IGSF5: variants seen among roughly 807,000 people sequenced by gnomAD.
IGSF5 encodes the protein immunoglobulin superfamily 5 like.
A neutral mutation model predicts 39.4 loss-of-function variants in IGSF5; 41 were observed. The ratio of observed to expected loss-of-function variants is 1.04; its 90% confidence interval spans 0.81 to 1.35. IGSF5 has a LOEUF of 1.35. IGSF5 is among the 40% of genes most tolerant of loss of function. The probability of loss-of-function intolerance (pLI) is 0.00; values close to 1 mark genes in which losing one functional copy is unlikely to be tolerated. For synonymous variants in IGSF5, 183 were observed against 175.3 expected (o/e 1.04, Z -0.34); for missense variants, 487 against 494.6 (o/e 0.98, Z 0.15).
chr21:39,726,988 T>G, the IGSF5 span, among the ~76,000 whole-genome samples: 10 of 152,166 alleles, frequency 6.6e-5, no homozygotes, highest in African/African-American at 2.4e-4. Context: ...TGAGGGCCAA[T>G]GCTCCCCAGG....
the IGSF5 span, among the ~76,000 whole-genome samples, chr21:39,712,481 T>C: frequency 2.0e-5 from 3 of 152,082 alleles, no homozygotes; most frequent in Non-Finnish European, 4.4e-5. Context: ...GCAGAATCAT[T>C]CCCTTCCAGA....
intron 2 of IGSF5, among the ~76,000 whole-genome samples, chr21:39,747,212 T>C (rs145478926): frequency 1.3e-5 from 2 of 152,314 alleles, no homozygotes; most frequent in African/African-American, 2.4e-5. Context: ...ACTTCTTACA[T>C]GGCAGCAGCA....
At chr21:39,719,356 C>T in the IGSF5 span, among the ~76,000 whole-genome samples, 5 of 152,026 alleles carry the variant, frequency 3.3e-5, 1 homozygote, top group South Asian at 1.0e-3. Context: ...TGTTTCACAT[C>T]CTCAAGGCAC....
At chr21:39,716,104 A>G in the IGSF5 span, among the ~76,000 whole-genome samples, 10 of 152,194 alleles carry the variant, frequency 6.6e-5, no homozygotes. Context: ...AGGGTCGTGC[A>G]CTAGAGCCCG....
chr21:39,738,066 C>T, the IGSF5 span, among the ~76,000 whole-genome samples: 5 of 152,268 alleles, frequency 3.3e-5, no homozygotes, highest in Non-Finnish European at 7.3e-5. The surrounding 1 kb of genome is among the most constrained non-coding windows in gnomAD (Gnocchi z 6.4). Context: ...ATATCTATTT[C>T]TATCTATATA....
chr21:39,746,381 A>G (rs1325648333), intron 2 of IGSF5, 83 bp downstream of exon 2: 1 of 635,376 alleles, frequency 1.6e-6, no homozygotes, highest in East Asian at 2.8e-5. Context: ...AAATAGAGTG[A>G]AAACAGAGCT....
chr21:39,725,992 G>A, the IGSF5 span: 16 of 152,186 alleles, frequency 1.1e-4, no homozygotes, highest in African/African-American at 3.6e-4. Flanking sequence ...CAATGGAGGC[G>A]AAGTCAAGGA....
intron 2 of IGSF5, among the ~76,000 whole-genome samples, chr21:39,751,884 A>G (rs1170892416): frequency 2.0e-5 from 3 of 152,160 alleles, no homozygotes; most frequent in Admixed American, 1.3e-4. Context: ...CCTGAATGCA[A>G]GATGCTCAGA....
At position 39,787,658 on chromosome 21, in the gene IGSF5, T is replaced by C. The variant is rs2086931498; in HGVS notation, c.935-509T>C. 2.0e-5 allele frequency among the ~76,000 whole-genome samples: 3 copies of C among 150,044 alleles called. No homozygotes were observed. The South Asian group carries it at 6.4e-4, about 32-fold the overall frequency. On this transcript the variant is annotated intron_variant, in intron 5 of 8. Transcript: ENST00000380588. ...TCTTTGAATTAAAGAAATATGGTAA[T>C]ATTAATATAATAGTGTCTAGTCTGT...
chr21:39,772,841 C>T (rs2080121910), intron 4 of IGSF5, among the ~76,000 whole-genome samples: 1 of 151,976 alleles, frequency 6.6e-6, no homozygotes, highest in African/African-American at 2.4e-5. Flanking sequence ...TAAGTTTGAC[C>T]GTTTGGTGAA....
intron 3 of IGSF5, among the ~76,000 whole-genome samples, chr21:39,767,102 T>A (rs1374919595): frequency 1.3e-5 from 2 of 152,232 alleles, no homozygotes; most frequent in African/African-American, 4.8e-5. Context: ...TTAGGACTGT[T>A]GGCCTATGTT....
intron 2 of IGSF5, among the ~76,000 whole-genome samples, chr21:39,757,965 G>C (rs541008406): frequency 6.6e-6 from 1 of 152,172 alleles, no homozygotes; most frequent in Non-Finnish European, 1.5e-5. Context: ...CACCAGCTGC[G>C]GGGGGTGGAG....
intron 2 of IGSF5, among the ~76,000 whole-genome samples, chr21:39,746,709 C>T (rs929528031): frequency 3.3e-5 from 5 of 152,114 alleles, no homozygotes; most frequent in African/African-American, 1.2e-4. Context: ...ACTCCTGATG[C>T]TTGCGTGCTG....
At chr21:39,734,641 T>A in the IGSF5 span, among the ~76,000 whole-genome samples, 1 of 152,106 alleles carries the variant, frequency 6.6e-6, no homozygotes, top group Non-Finnish European at 1.5e-5. Context: ...AAGGGATTCA[T>A]TAGGTGTATC....
At chr21:39,738,045 C>G in the IGSF5 span, among the ~76,000 whole-genome samples, 1 of 152,264 alleles carries the variant, frequency 6.6e-6, no homozygotes, top group East Asian at 1.9e-4. The surrounding 1 kb of genome is among the most constrained non-coding windows in gnomAD (Gnocchi z 6.4). Context: ...GTGTATATAT[C>G]TATGTCATCG....
At chr21:39,744,618 A>G (rs1186866229), upstream of IGSF5, among the ~76,000 whole-genome samples, 6 of 152,220 alleles carry the variant, frequency 3.9e-5, no homozygotes, top group Admixed American at 3.9e-4. Context: ...GGTAATTAAG[A>G]TGTAAATCCC....
At position 39,752,877 on chromosome 21, in the gene IGSF5, T is replaced by A. The variant is rs138181869; in HGVS notation, c.100+6579T>A. On this transcript the variant is annotated intron_variant, in intron 2 of 8. Transcript: ENST00000380588. ...TTTTTTTCTTGCTGATTTGTTTTAG[T>A]TCCTTGTAGATTCTGGATACTAGTC... Among the ~76,000 whole-genome samples, 245 of 152,322 alleles carry A rather than the reference T, an allele frequency of 1.6e-3. 1 individual carries two copies. Among genetic ancestry groups the A allele is most frequent in the Middle Eastern group, 6.8e-3 (2 of 294 alleles).
chr21:39,753,299 C>T (rs1002599214), intron 2 of IGSF5, among the ~76,000 whole-genome samples: 1 of 152,082 alleles, frequency 6.6e-6, no homozygotes, highest in Non-Finnish European at 1.5e-5. Flanking sequence ...GATCAGTTGG[C>T]TGTAAGTATT....
At position 39,793,698 on chromosome 21, in the gene IGSF5, C is replaced by A. The variant is rs1237968038; in HGVS notation, c.1128+85C>A. ...TGTTGTGGGTGATTATAAAATGGTG[C>A]GCGTTGTGTATTCATGATGGTGGCA... On this transcript the variant is annotated intron_variant, in intron 8 of 8. Transcript: ENST00000380588. 2.8e-6 allele frequency: 3 copies of A among 1,084,272 alleles called. No homozygotes were observed. In the South Asian group the frequency reaches 4.0e-5, roughly 14 times the overall value. The allele number at this position is 1,084,272 out of a possible 1,614,324, so 67.2% of individuals were successfully genotyped here.
Sources: allele counts gnomAD v4.1 joint callset (sites outside exome capture counted in the v4.1 genomes callset), GRCh38; gene constraint gnomAD v4.1.1; non-coding constraint Gnocchi (gnomAD v3.1); transcripts MANE v1.5; gene names NCBI Gene and HGNC (gene_info 2026-07-23, HGNC 2026-07-21).